RERE: variants seen among roughly 807,000 people sequenced by gnomAD.
RERE encodes arginine-glutamic acid dipeptide repeats protein.
A neutral mutation model predicts 146.1 loss-of-function variants in RERE; 40 were observed. The observed-to-expected ratio is 0.27, with a 90% CI of 0.21 to 0.36. RERE has a LOEUF of 0.36. Ranked by LOEUF, RERE falls within the 10% of genes least tolerant of loss-of-function variation. RERE has a pLI of 1.00. For synonymous variants in RERE, 1,003 were observed against 866.0 expected, an observed-to-expected ratio of 1.16 and a Z score of -2.78; for missense variants, 1,933 against 2,138.7, an observed-to-expected ratio of 0.90 and a Z score of 1.90.
chr1:8,639,260 A>C (rs1647144225), intron 2 of RERE, among the ~76,000 whole-genome samples: 1 of 152,218 alleles, frequency 6.6e-6, no homozygotes, highest in Non-Finnish European at 1.5e-5. Flanking sequence ...CAGATGCCAC[A>C]GCACTTAGAA....
At chr1:8,696,867 G>A (rs150413059) in intron 1 of RERE, among the ~76,000 whole-genome samples, 7 of 151,978 alleles carry the variant, frequency 4.6e-5, no homozygotes, top group African/African-American at 7.2e-5. Flanking sequence ...CTGAGATTGC[G>A]CCACTGCACT....
intron 8 of RERE, among the ~76,000 whole-genome samples, chr1:8,505,673 G>A (rs1645240494): frequency 6.6e-6 from 1 of 152,140 alleles, no homozygotes; most frequent in African/African-American, 2.4e-5. Context: ...TGGGACTACA[G>A]ACATGCATCA....
At chr1:8,372,244 C>T (rs1642067068) in intron 12 of RERE, among the ~76,000 whole-genome samples, 1 of 152,188 alleles carries the variant, frequency 6.6e-6, no homozygotes, top group Admixed American at 6.5e-5. Context: ...CCAGCATGAA[C>T]TGCTCAGACA....
chr1:8,661,301 G>A (rs1417314949), intron 1 of RERE, among the ~76,000 whole-genome samples: 1 of 152,160 alleles, frequency 6.6e-6, no homozygotes, highest in Non-Finnish European at 1.5e-5. Flanking sequence ...CAAAAAGGGG[G>A]AGAGAGGTCA....
chr1:8,578,435 T>G (rs1646323507), intron 4 of RERE, among the ~76,000 whole-genome samples: 1 of 152,208 alleles, frequency 6.6e-6, no homozygotes, highest in African/African-American at 2.4e-5. Flanking sequence ...CGCATTGAAC[T>G]AATCTTTGAA....
At chr1:8,593,235 C>A (rs1178836634) in intron 4 of RERE, among the ~76,000 whole-genome samples, 3 of 152,172 alleles carry the variant, frequency 2.0e-5, no homozygotes, top group African/African-American at 7.2e-5. Context: ...TGGAATGGGC[C>A]TAAAATAGCT....
chr1:8,502,020 G>C (rs1377878576), intron 8 of RERE, among the ~76,000 whole-genome samples: 1 of 94,888 alleles, frequency 1.1e-5, no homozygotes, highest in African/African-American at 4.1e-5. Flanking sequence ...CAGCCGCCCC[G>C]TCCGGGAGGG....
chr1:8,701,287 T>TATAC (rs1639441789), intron 1 of RERE, among the ~76,000 whole-genome samples: 1 of 93,644 alleles, frequency 1.1e-5, no homozygotes, highest in Non-Finnish European at 2.0e-5. Context: ...GTGAGGGGAA[T>TATAC]ACACACACAC....
chr1:8,422,624 C>A lies in RERE; in HGVS notation c.1284+103G>T, dbSNP rs900862717. On this transcript the variant is annotated intron_variant, in intron 12 of 22. Coordinates refer to ENST00000400908, the MANE Select transcript of RERE (RefSeq NM_001042681.2). ...TTCTGGAGGCCAGCCCGAGTCTGAG[C>A]ACAGCGCAGGGTTAAAGGAAACCAT... The A allele has an allele frequency of 9.6e-6, 8 of 836,186 alleles. No homozygotes were observed. The Admixed American group carries it at 1.0e-4, about 11-fold the overall frequency. The allele number at this position is 836,186 out of a possible 1,614,324, so 51.8% of individuals were successfully genotyped here.
In RERE at chr1:8,557,628, A is replaced by T. The variant is rs1395242300; in HGVS notation, c.523-105T>A. On this transcript the variant is annotated intron_variant, in intron 4 of 22. Coordinates refer to ENST00000400908, the MANE Select transcript of RERE (RefSeq NM_001042681.2). The stretch of plus-strand genomic sequence containing the variant: ...CCTGTAAACGGGTGGACACGTAGAT[A>T]GGGAGAGACACAATTACCATCAGGA... 5 of 719,124 alleles carry T rather than the reference A, an allele frequency of 7.0e-6. No individual in the cohort carries two copies. The East Asian group carries it at 1.3e-4, about 19-fold the overall frequency. The allele number at this position is 719,124 out of a possible 1,614,324, so 44.5% of individuals were successfully genotyped here.
At chr1:8,781,569 C>T (rs1263598213) in intron 1 of RERE, among the ~76,000 whole-genome samples, 3 of 151,578 alleles carry the variant, frequency 2.0e-5, no homozygotes, top group Non-Finnish European at 4.4e-5. Flanking sequence ...TCTGCTCTGC[C>T]ACTTCCTAGC....
At chr1:8,508,300 G>T (rs1275640739) in intron 8 of RERE, among the ~76,000 whole-genome samples, 2 of 152,194 alleles carry the variant, frequency 1.3e-5, no homozygotes, top group African/African-American at 4.8e-5. Context: ...AAGGAGAATG[G>T]TGATTGCCAA....
At chr1:8,735,460 T>C (rs1312684705) in intron 1 of RERE, among the ~76,000 whole-genome samples, 1 of 152,206 alleles carries the variant, frequency 6.6e-6, no homozygotes, top group Admixed American at 6.5e-5. Context: ...GTAGTATACT[T>C]CATATAGCCT....
intron 3 of RERE, among the ~76,000 whole-genome samples, chr1:8,622,859 A>C (rs1273295731): frequency 1.3e-5 from 2 of 152,214 alleles, no homozygotes; most frequent in South Asian, 4.1e-4. Context: ...GATGCAGAGA[A>C]AGATCTTTTC....
intron 4 of RERE, among the ~76,000 whole-genome samples, chr1:8,600,213 G>T (rs995582724): frequency 6.6e-6 from 1 of 152,084 alleles, no homozygotes; most frequent in Non-Finnish European, 1.5e-5. Flanking sequence ...CAGCCACATG[G>T]AACTGTGAGA....
chr1:8,683,394 G>A (rs891419586), intron 1 of RERE, among the ~76,000 whole-genome samples: 4 of 152,166 alleles, frequency 2.6e-5, no homozygotes, highest in African/African-American at 9.6e-5. Flanking sequence ...TCTACTTAAA[G>A]ACTAAAGAAA....
chr1:8,437,523 G>A (rs1644187021), intron 11 of RERE, among the ~76,000 whole-genome samples: 3 of 151,940 alleles, frequency 2.0e-5, no homozygotes, highest in South Asian at 4.1e-4. Flanking sequence ...ACTTTCAAGA[G>A]AGTCCCCCAA....
intron 4 of RERE, among the ~76,000 whole-genome samples, chr1:8,608,786 C>T (rs1007029392): frequency 3.9e-5 from 6 of 152,172 alleles, no homozygotes; most frequent in Non-Finnish European, 7.4e-5. Flanking sequence ...GATGAAAAGA[C>T]AGTCTTAAGA....
At chr1:8,462,619 CCT>C (rs1488015539) in intron 11 of RERE, among the ~76,000 whole-genome samples, 1 of 152,220 alleles carries the variant, frequency 6.6e-6, no homozygotes, top group African/African-American at 2.4e-5. Flanking sequence ...TTTCACCAAC[CCT>C]CTCACAGAGC....
Sources: allele counts gnomAD v4.1 joint callset (sites outside exome capture counted in the v4.1 genomes callset), GRCh38; gene constraint gnomAD v4.1.1; transcripts MANE v1.5; gene names NCBI Gene and HGNC (gene_info 2026-07-23, HGNC 2026-07-21).